CR1L: variants seen among roughly 807,000 people sequenced by gnomAD.
CR1L encodes the protein complement component receptor 1-like protein.
Under a neutral mutation model 62.3 loss-of-function variants are expected in CR1L, and 59 were observed. The observed-to-expected ratio is 0.95, with a 90% CI of 0.77 to 1.18. The LOEUF (loss-of-function observed/expected upper bound fraction) is 1.18, where lower values mean the gene tolerates loss of function less well. Among genes scored for constraint, CR1L ranks in the 50% most tolerant of loss-of-function variants. CR1L has a pLI of 0.00. For synonymous variants in CR1L, 279 were observed against 248.7 expected (o/e 1.12, Z -1.15); for missense variants, 700 against 702.8 (o/e 1.00, Z 0.04).
At chr1:207,713,949 C>T (rs1653907138) in intron 10 of CR1L, among the ~76,000 whole-genome samples, 1 of 152,234 alleles carries the variant, frequency 6.6e-6, no homozygotes, top group Non-Finnish European at 1.5e-5. Context: ...ACTGGACCTG[C>T]TGGTGCTTCC....
chr1:207,702,262 G>A lies in CR1L; in HGVS notation c.1328+644G>A, dbSNP rs547933417. On this transcript the variant is annotated intron_variant, in intron 9 of 11. Coordinates refer to ENST00000508064, the MANE Select transcript of CR1L (RefSeq NM_175710.2). ...TATTTTCATTGTTTGGAGTCCCTAC[G>A]AACTGCACCCATATAAGACAGAAAA... 3.9e-5 allele frequency among the ~76,000 whole-genome samples: 6 copies of A among 152,208 alleles called. No homozygotes were observed. The South Asian group carries it at 1.0e-3, about 26-fold the overall frequency.
intron 1 of CR1L, among the ~76,000 whole-genome samples, chr1:207,649,320 G>T (rs1054846229): frequency 6.6e-6 from 1 of 152,188 alleles, no homozygotes; most frequent in African/African-American, 2.4e-5. Flanking sequence ...TAGGGTAAAG[G>T]AGACAACAAA....
chr1:207,663,719 C>G (rs11591007), intron 1 of CR1L, among the ~76,000 whole-genome samples: 1 of 151,958 alleles, frequency 6.6e-6, no homozygotes, highest in Non-Finnish European at 1.5e-5. Context: ...TTCTGTGTCG[C>G]TCACACTGGG....
In CR1L at chr1:207,671,428, A is replaced by G. The variant is rs12045949; in HGVS notation, c.98-5961A>G. Among the ~76,000 whole-genome samples, 142 of 151,110 alleles carry G rather than the reference A, an allele frequency of 9.4e-4. 1 individual carries two copies. In the East Asian group the frequency reaches 0.025, roughly 26 times the overall value. ...TTATGGGAATATTTATATATAAAAA[A>G]TAACAGAGGAACTAGGATTGTTTTG... On this transcript the variant is annotated intron_variant, in intron 1 of 11. Transcript: ENST00000508064.
In CR1L at chr1:207,670,935, G is replaced by A. The variant is rs975643351; in HGVS notation, c.98-6454G>A. ...TTTTAAAATGCTTATGGATGCTTCC[G>A]GTGTGCACAGTCCTTTGGAATTTAA... On this transcript the variant is annotated intron_variant, in intron 1 of 11. Coordinates refer to ENST00000508064, the MANE Select transcript of CR1L (RefSeq NM_175710.2). Among the ~76,000 whole-genome samples the A allele has an allele frequency of 1.4e-4, 21 of 150,998 alleles. 1 individual carries two copies. The highest frequency in any genetic ancestry group is 4.7e-4 in the African/African-American group (19 of 40,320).
intron 9 of CR1L, among the ~76,000 whole-genome samples, chr1:207,703,178 G>A (rs1320587254): frequency 6.6e-6 from 1 of 152,154 alleles, no homozygotes; most frequent in Non-Finnish European, 1.5e-5. Flanking sequence ...CATTGATGAA[G>A]GTGTTAAAAT....
chr1:207,710,857 G>T, intron 10 of CR1L: 1 of 1,360,148 alleles, frequency 7.4e-7, no homozygotes, highest in African/African-American at 1.5e-5. Flanking sequence ...ATGAGTATTT[G>T]TTTAGGGGGA....
At chr1:207,705,390 G>A (rs574808570) in intron 9 of CR1L, among the ~76,000 whole-genome samples, 2 of 152,198 alleles carry the variant, frequency 1.3e-5, no homozygotes, top group African/African-American at 2.4e-5. Flanking sequence ...AATGTCAAGT[G>A]TCAGGTGCTC....
intron 10 of CR1L, 28 bp from the exon 11 acceptor site, chr1:207,717,436 A>T: frequency 6.2e-7 from 1 of 1,606,754 alleles, no homozygotes; most frequent in South Asian, 1.1e-5. Flanking sequence ...ACTCTAATAG[A>T]ACTTAAAAGC....
In CR1L at chr1:207,677,460, A is replaced by T. The variant is rs377244503; in HGVS notation, c.169A>T (p.Ile57Phe). Residue 57 changes from isoleucine (I) to phenylalanine (F), a missense_variant, in exon 2 of 12, where the codon ATT (isoleucine) becomes TTT (phenylalanine). By Grantham distance (21) the Ile-to-Phe change is conservative. Coordinates refer to ENST00000508064, the MANE Select transcript of CR1L (RefSeq NM_175710.2). The stretch of plus-strand genomic sequence containing the variant: ...CCTAACTGATGACTTTGAGTTTCCC[A>T]TTGGGACATATCTGAACTATGAATG... ...TNLTDDFEFP[I>F]GTYLNYECRP... is the part of the protein sequence containing the mutation. 8 of 1,613,562 alleles carry T rather than the reference A, an allele frequency of 5.0e-6. No individual in the cohort carries two copies. In the African/African-American group the frequency reaches 1.1e-4, roughly 22 times the overall value.
chr1:207,677,011 A>G (rs1053168120), intron 1 of CR1L, among the ~76,000 whole-genome samples: 2 of 152,088 alleles, frequency 1.3e-5, no homozygotes, highest in African/African-American at 4.8e-5. Flanking sequence ...TATGCAGTAT[A>G]TTTGAGAGAA....
At position 207,673,126 on chromosome 1, in the gene CR1L, A is replaced by G. The variant is rs1465125128; in HGVS notation, c.98-4263A>G. ...ACAACTTGATGAAACCAAAAAATCT[A>G]GAAAGTATCATGAAGACAGTTGAAA... On this transcript the variant is annotated intron_variant, in intron 1 of 11. Coordinates refer to ENST00000508064, the MANE Select transcript of CR1L (RefSeq NM_175710.2). Among the ~76,000 whole-genome samples the G allele has an allele frequency of 2.0e-5, 3 of 152,244 alleles. No homozygotes were observed. In the East Asian group the frequency reaches 5.8e-4, roughly 29 times the overall value.
chr1:207,687,714 G>C (rs1433437572), intron 4 of CR1L, among the ~76,000 whole-genome samples: 1 of 152,096 alleles, frequency 6.6e-6, no homozygotes, highest in Non-Finnish European at 1.5e-5. Context: ...TGATGATCTT[G>C]AGTACCTTTT....
chr1:207,669,600 C>A lies in CR1L; in HGVS notation c.98-7789C>A. ...TGGGGGGCGTGGGGAGGCGCCCGGGCTGACGAGGCACCCAGGGCCCCGCAG... is the reference window on the plus strand; with the variant it reads ...TGGGGGGCGTGGGGAGGCGCCCGGGATGACGAGGCACCCAGGGCCCCGCAG... On this transcript the variant is annotated intron_variant, in intron 1 of 11. Coordinates refer to ENST00000508064, the MANE Select transcript of CR1L (RefSeq NM_175710.2). 2.4e-6 allele frequency: 3 copies of A among 1,266,990 alleles called. No homozygotes were observed. The South Asian group carries it at 3.8e-5, about 16-fold the overall frequency. 78.5% of individuals were successfully genotyped at this position (1,266,990 alleles called of 1,614,324 possible).
chr1:207,667,732 A>T (rs1663544398), intron 1 of CR1L, among the ~76,000 whole-genome samples: 1 of 151,658 alleles, frequency 6.6e-6, no homozygotes, highest in Non-Finnish European at 1.5e-5. Flanking sequence ...TGAAGAAAAA[A>T]ACCTACAGAA....
chr1:207,679,742 A>G (rs1261711184), intron 3 of CR1L, among the ~76,000 whole-genome samples: 1 of 152,204 alleles, frequency 6.6e-6, no homozygotes, highest in African/African-American at 2.4e-5. Context: ...ACATGCATAC[A>G]ATAGAATATT....
At chr1:207,713,906 C>G (rs1392386519) in intron 10 of CR1L, among the ~76,000 whole-genome samples, 1 of 152,224 alleles carries the variant, frequency 6.6e-6, no homozygotes, top group African/African-American at 2.4e-5. Context: ...GCCTGCATCT[C>G]CAAGGCTGAC....
At chr1:207,653,158 G>T in intron 1 of CR1L, 1 of 167,444 alleles carries the variant, frequency 6.0e-6, no homozygotes, top group South Asian at 1.6e-4. Context: ...TAGGTTATCA[G>T]ATACACTTTA....
At chr1:207,702,156 G>A (rs866921947) in intron 9 of CR1L, among the ~76,000 whole-genome samples, 2 of 152,174 alleles carry the variant, frequency 1.3e-5, no homozygotes, top group Middle Eastern at 3.4e-3. Context: ...TAGCATTTTG[G>A]TTATTCTCAC....
Sources: gnomAD v4.1 joint callset for allele counts (sites outside exome capture counted in the v4.1 genomes callset) on GRCh38, gnomAD v4.1.1 for gene constraint, MANE v1.5 for transcripts, NCBI Gene and HGNC (gene_info 2026-07-23, HGNC 2026-07-21) for gene names.